AFF3: variants seen among roughly 807,000 people sequenced by gnomAD.
AFF3 encodes the protein AF4/FMR2 family member 3.
AFF3 carries 32 observed loss-of-function variants against 129.7 expected under a neutral mutation model. That is an observed-to-expected ratio of 0.25 (90% CI 0.19 to 0.33). AFF3 has a LOEUF of 0.33. Among genes scored for constraint, AFF3 ranks in the 10% least tolerant of loss-of-function variants. The pLI is 1.00. For synonymous variants in AFF3, 644 were observed against 635.4 expected (o/e 1.01, Z -0.20); for missense variants, 1,373 against 1,592.0 (o/e 0.86, Z 2.34).
chr2:100,042,050 A>G (rs1685473940), intron 4 of AFF3, among the ~76,000 whole-genome samples: 2 of 151,234 alleles, frequency 1.3e-5, no homozygotes, highest in African/African-American at 4.9e-5. Context: ...TACCACCCCC[A>G]CACCATCCCA....
At position 100,008,832 on chromosome 2, in the gene AFF3, G is replaced by A; in HGVS notation, c.154C>T (p.Leu52Phe). 2 of 1,614,072 alleles carry A rather than the reference G, an allele frequency of 1.2e-6. No individual in the cohort carries two copies. The highest frequency in any genetic ancestry group is 1.7e-6 in the Non-Finnish European group (2 of 1,179,958). Reference protein sequence around the residue: ...DDGTFNSSYSLFSEPYKTNKG... With the variant: ...DDGTFNSSYSFFSEPYKTNKG... ...TCTACCTTGTAGGGCTCACTGAAGA[G>A]AGAGTAACTAGAATTAAACGTGCCA... Residue 52 changes from leucine to phenylalanine, a missense_variant, in exon 5 of 25, where the codon CTC (leucine) becomes TTC (phenylalanine). This residue lies in a region of AFF3 where 255 missense variants were observed against 256.0 expected (regional missense o/e 1.00). Coordinates refer to ENST00000672756, the MANE Select transcript of AFF3 (RefSeq NM_001386135.1).
chr2:99,687,208 G>A (rs1431287122), intron 11 of AFF3, among the ~76,000 whole-genome samples: 6 of 152,214 alleles, frequency 3.9e-5, no homozygotes, highest in Admixed American at 6.5e-5. Flanking sequence ...TACCACAAAC[G>A]TATTCCTGGC....
At chr2:100,051,854 C>G (rs1420571742) in intron 4 of AFF3, among the ~76,000 whole-genome samples, 1 of 152,166 alleles carries the variant, frequency 6.6e-6, no homozygotes, top group African/African-American at 2.4e-5. Context: ...TACAATCTTT[C>G]CAACACTATG....
At chr2:99,747,369 A>T (rs1304434196) in intron 9 of AFF3, among the ~76,000 whole-genome samples, 1 of 147,538 alleles carries the variant, frequency 6.8e-6, no homozygotes, top group Non-Finnish European at 1.5e-5. Context: ...ACATTCTGTT[A>T]CCCAGTCTGG....
intron 4 of AFF3, among the ~76,000 whole-genome samples, chr2:100,023,728 T>C (rs1265605935): frequency 6.6e-6 from 1 of 152,056 alleles, no homozygotes; most frequent in African/African-American, 2.4e-5. Context: ...AAGAAACCAA[T>C]CCATACATTG....
chr2:99,964,133 G>A (rs556295461), intron 7 of AFF3, among the ~76,000 whole-genome samples: 2 of 152,142 alleles, frequency 1.3e-5, no homozygotes, highest in South Asian at 4.1e-4. Context: ...CAGCTGAAAT[G>A]AGAAACAGAT....
chr2:99,642,860 T>C (rs1189560413), intron 13 of AFF3, among the ~76,000 whole-genome samples: 3 of 152,154 alleles, frequency 2.0e-5, no homozygotes, highest in African/African-American at 7.2e-5. Flanking sequence ...GCCCCATCTA[T>C]CTTTCAGGGT....
At chr2:100,003,197 AAAG>A (rs1681597413) in intron 7 of AFF3, among the ~76,000 whole-genome samples, 1 of 152,168 alleles carries the variant, frequency 6.6e-6, no homozygotes, top group African/African-American at 2.4e-5. Flanking sequence ...CTTCATTTCT[AAAG>A]AAGATCCCCA....
intron 7 of AFF3, among the ~76,000 whole-genome samples, chr2:99,965,664 A>G (rs2104372678): frequency 6.6e-6 from 1 of 152,288 alleles, no homozygotes; most frequent in Non-Finnish European, 1.5e-5. Context: ...TGTTTGTCGT[A>G]TTAGTTTAGT....
chr2:99,691,939 C>T (rs1200773953), intron 11 of AFF3, among the ~76,000 whole-genome samples: 1 of 152,192 alleles, frequency 6.6e-6, no homozygotes, highest in African/African-American at 2.4e-5. Flanking sequence ...GGCAAGAGCC[C>T]AGGAAAGGAC....
intron 17 of AFF3, among the ~76,000 whole-genome samples, chr2:99,579,224 G>T (rs943803429): frequency 4.6e-5 from 7 of 151,624 alleles, no homozygotes; most frequent in African/African-American, 1.7e-4. Context: ...TGACCAACAT[G>T]GTGAAACTCC....
chr2:99,846,955 G>A (rs572919765), intron 7 of AFF3, among the ~76,000 whole-genome samples: 2 of 152,220 alleles, frequency 1.3e-5, no homozygotes, highest in South Asian at 4.2e-4. Context: ...TCTCTGAGGT[G>A]ATACGCTAGA....
At chr2:99,973,129 T>TA (rs1324244105) in intron 7 of AFF3, among the ~76,000 whole-genome samples, 1 of 152,228 alleles carries the variant, frequency 6.6e-6, no homozygotes, top group Non-Finnish European at 1.5e-5. Context: ...TTCTAAGGCT[T>TA]AGATTCCCAT....
At chr2:100,015,386 C>T (rs955740596) in intron 4 of AFF3, among the ~76,000 whole-genome samples, 1 of 151,992 alleles carries the variant, frequency 6.6e-6, no homozygotes, top group Non-Finnish European at 1.5e-5. Context: ...CTAACATGCT[C>T]CCTGGGCATG....
intron 4 of AFF3, among the ~76,000 whole-genome samples, chr2:100,099,703 T>C (rs1277884925): frequency 6.6e-6 from 1 of 152,176 alleles, no homozygotes; most frequent in South Asian, 2.1e-4. Flanking sequence ...CTTATTCTCC[T>C]ATTAAGTTCC....
chr2:100,046,689 G>A (rs983105937), intron 4 of AFF3, among the ~76,000 whole-genome samples: 11 of 152,136 alleles, frequency 7.2e-5, no homozygotes, highest in African/African-American at 2.7e-4. Context: ...TTATCTGTTA[G>A]TTTTAATTAC....
intron 4 of AFF3, among the ~76,000 whole-genome samples, chr2:100,037,305 T>C (rs999787165): frequency 3.3e-5 from 5 of 149,906 alleles, no homozygotes; most frequent in Non-Finnish European, 7.4e-5. Context: ...AAATGTAAGA[T>C]TCAAAACTAT....
intron 7 of AFF3, among the ~76,000 whole-genome samples, chr2:99,940,903 C>T (rs1674973631): frequency 1.4e-5 from 2 of 145,760 alleles, no homozygotes; most frequent in Non-Finnish European, 3.0e-5. Context: ...GCAATTCCAG[C>T]TCGTGATTTT....
chr2:99,566,366 CA>C (rs1675967694), intron 19 of AFF3, among the ~76,000 whole-genome samples: 1 of 151,750 alleles, frequency 6.6e-6, no homozygotes, highest in African/African-American at 2.4e-5. Flanking sequence ...TAAAATAGGA[CA>C]AAAAGTTGAA....
Sources: allele counts gnomAD v4.1 joint callset (sites outside exome capture counted in the v4.1 genomes callset), GRCh38; gene constraint gnomAD v4.1.1; regional missense constraint gnomAD v4.1.1; transcripts MANE v1.5; gene names NCBI Gene and HGNC (gene_info 2026-07-23, HGNC 2026-07-21).